Variants in TRPC5 observed in about 807,000 individuals in gnomAD.
TRPC5 encodes the protein transient receptor potential cation channel subfamily C member 5.
TRPC5 carries 9 observed loss-of-function variants against 56.5 expected under a neutral mutation model. That is an observed-to-expected ratio of 0.16 (90% CI 0.10 to 0.28). The LOEUF is 0.28. Among genes scored for constraint, TRPC5 ranks in the 10% least tolerant of loss-of-function variants. The pLI is 1.00. For missense variants in TRPC5, 469 were observed against 748.9 expected (o/e 0.63, Z 4.36); for synonymous variants, 282 against 278.5 (o/e 1.01, Z -0.13).
rs777719556 is a variant in TRPC5, at chrX:111,993,091, A to C, written c.-21-40650T>G. Reference sequence around the variant, plus strand: ...GACAGGCCCCGGCGTGTGATGTTCCATGCCCTGTGTCCAAGTGATCTCATT... The same window carrying C: ...GACAGGCCCCGGCGTGTGATGTTCCCTGCCCTGTGTCCAAGTGATCTCATT... On this transcript the variant is annotated intron_variant, in intron 1 of 10. Coordinates refer to ENST00000262839, the MANE Select transcript of TRPC5 (RefSeq NM_012471.3). Among the ~76,000 whole-genome samples the C allele has an allele frequency of 6.9e-3, 549 of 79,625 alleles. 5 individuals are homozygous for C. Among genetic ancestry groups the C allele is most frequent in the African/African-American group, 0.028 (531 of 19,175 alleles). 69.1% of individuals were successfully genotyped at this position (79,625 alleles called of 115,157 possible). A position where few individuals can be genotyped will look rare whatever the true frequency, so the allele number is the denominator to read the frequency against.
chrX:111,944,302 G>GAA (rs1926867845), intron 2 of TRPC5, among the ~76,000 whole-genome samples: 8 of 83,926 alleles, frequency 9.5e-5, no homozygotes, highest in South Asian at 5.1e-4. Flanking sequence ...GTGTGTGTGT[G>GAA]TGAGAGAGAG....
chrX:112,050,417 T>A (rs1930186113), intron 1 of TRPC5, among the ~76,000 whole-genome samples: 1 of 112,305 alleles, frequency 8.9e-6, no homozygotes. Flanking sequence ...TATAGCAGTA[T>A]TGGTTTGATG....
chrX:111,873,858 G>T (rs903510120), intron 3 of TRPC5, among the ~76,000 whole-genome samples: 7 of 111,366 alleles, frequency 6.3e-5, no homozygotes, highest in Non-Finnish European at 1.3e-4. Context: ...TTTACCAGGT[G>T]ATTATTCAGG....
At chrX:111,827,590 C>T (rs1922278913) in intron 7 of TRPC5, among the ~76,000 whole-genome samples, 1 of 111,694 alleles carries the variant, frequency 9.0e-6, no homozygotes, top group Non-Finnish European at 1.9e-5. Flanking sequence ...GTCTTTTGCT[C>T]ACACTTCACA....
intron 7 of TRPC5, among the ~76,000 whole-genome samples, chrX:111,832,155 C>A (rs1485396585): frequency 8.9e-6 from 1 of 112,022 alleles, no homozygotes; most frequent in Non-Finnish European, 1.9e-5. Context: ...TCCTGCTTCA[C>A]TGTATCTTAA....
intron 7 of TRPC5, among the ~76,000 whole-genome samples, chrX:111,828,012 G>A (rs1922292319): frequency 8.9e-6 from 1 of 111,851 alleles, no homozygotes; most frequent in African/African-American, 3.3e-5. Flanking sequence ...CAATGTGGCT[G>A]AGCTCTTATC....
In TRPC5 at chrX:111,993,129, C is replaced by T. The variant is rs202007629; in HGVS notation, c.-21-40688G>A. Among the ~76,000 whole-genome samples the T allele has an allele frequency of 6.7e-5, 7 of 104,364 alleles. No homozygotes were observed. In the East Asian group the frequency reaches 1.8e-3, roughly 27 times the overall value. The allele number at this position is 104,364 out of a possible 115,157, so 90.6% of individuals were successfully genotyped here. A position where few individuals can be genotyped will look rare whatever the true frequency, so the allele number is the denominator to read the frequency against. On this transcript the variant is annotated intron_variant, in intron 1 of 10. Transcript: ENST00000262839. ...AAGTGATCTCATTGTTCAGTTCCTG[C>T]CTATGAGTGAGAAAATGCGGTGTTT...
chrX:111,906,513 A>G (rs996695931), intron 3 of TRPC5, among the ~76,000 whole-genome samples: 2 of 111,814 alleles, frequency 1.8e-5, no homozygotes, highest in African/African-American at 6.5e-5. Context: ...TCTTGAAACT[A>G]TAACTTCGAA....
At chrX:111,889,605 C>T (rs1222881920) in intron 3 of TRPC5, among the ~76,000 whole-genome samples, 2 of 111,671 alleles carry the variant, frequency 1.8e-5, no homozygotes, top group Non-Finnish European at 3.8e-5. Context: ...CACTCTTTAC[C>T]CATGTTTAAA....
intron 1 of TRPC5, among the ~76,000 whole-genome samples, chrX:112,076,342 T>G (rs973508107): frequency 9.0e-6 from 1 of 111,379 alleles, no homozygotes; most frequent in Non-Finnish European, 1.9e-5. Context: ...TGCCTGGTGA[T>G]TTCTTGGACT....
chrX:111,843,402 G>C (rs893750575), intron 6 of TRPC5, among the ~76,000 whole-genome samples: 5 of 111,974 alleles, frequency 4.5e-5, no homozygotes, highest in African/African-American at 1.6e-4. Context: ...AGCTGAGAGT[G>C]GGGTTAGAGT....
chrX:112,065,877 G>GAA (rs371399139), intron 1 of TRPC5, among the ~76,000 whole-genome samples: 1 of 97,959 alleles, frequency 1.0e-5, no homozygotes. Context: ...TTTCCAAAAA[G>GAA]AAAAAAAAAA....
At chrX:111,964,603 T>C (rs757867079) in intron 1 of TRPC5, among the ~76,000 whole-genome samples, 21 of 112,402 alleles carry the variant, frequency 1.9e-4, no homozygotes, top group Admixed American at 1.2e-3. Context: ...AAAGGGAAGC[T>C]CATCAGACTA....
intron 2 of TRPC5, 35 bp from the exon 3 acceptor site, chrX:111,912,847 G>T (rs1039907667): frequency 1.7e-6 from 2 of 1,166,967 alleles, no homozygotes. Context: ...AGAAGGGCAG[G>T]ATTAAAGTTT....
chrX:112,057,183 AAC>A (rs1466194135), intron 1 of TRPC5, among the ~76,000 whole-genome samples: 1 of 112,025 alleles, frequency 8.9e-6, no homozygotes, highest in Non-Finnish European at 1.9e-5. Flanking sequence ...TAGTGGGAGA[AAC>A]AGTGTTTTCT....
chrX:111,979,637 T>C (rs377528911), intron 1 of TRPC5, among the ~76,000 whole-genome samples: 2 of 111,292 alleles, frequency 1.8e-5, no homozygotes, highest in African/African-American at 6.5e-5. Flanking sequence ...AAACAAATAA[T>C]CTGGTTTTTA....
rs569271836 is a variant in TRPC5 at position 111,931,554 on chromosome X, C to A, written c.379-18742G>T. On this transcript the variant is annotated intron_variant, in intron 2 of 10. Coordinates refer to ENST00000262839, the MANE Select transcript of TRPC5 (RefSeq NM_012471.3). ...CTCTCAGTGGACATTGAAACCCTTC[C>A]TTCCCTGTGCAGGCACATTGCGAAG... Among the ~76,000 whole-genome samples, 9 of 112,302 alleles carry A rather than the reference C, an allele frequency of 8.0e-5. No homozygotes were observed. In the East Asian group the frequency reaches 2.5e-3, roughly 31 times the overall value.
chrX:111,800,481 T>C (rs1445867993), intron 7 of TRPC5, among the ~76,000 whole-genome samples: 2 of 110,788 alleles, frequency 1.8e-5, no homozygotes, highest in African/African-American at 6.6e-5. Context: ...AATCCAAAAA[T>C]TGGCCAGGCA....
intron 7 of TRPC5, among the ~76,000 whole-genome samples, chrX:111,786,750 A>AG (rs937396281): frequency 1.8e-5 from 2 of 111,388 alleles, no homozygotes; most frequent in Non-Finnish European, 3.8e-5. Context: ...GCAAAAAAAA[A>AG]GCAGGGGTTG....
Sources: allele counts gnomAD v4.1 joint callset (sites outside exome capture counted in the v4.1 genomes callset), GRCh38; gene constraint gnomAD v4.1.1; transcripts MANE v1.5; gene names NCBI Gene and HGNC (gene_info 2026-07-23, HGNC 2026-07-21).